Variants in SRGAP2 observed in about 807,000 individuals in gnomAD.
SRGAP2 encodes SLIT-ROBO Rho GTPase activating protein 2.
In SRGAP2, 15 loss-of-function variants were observed where a neutral mutation model predicts 57.2. That is an observed-to-expected ratio of 0.26 (90% CI 0.18 to 0.40). SRGAP2 has a LOEUF of 0.40. Ranked by LOEUF, SRGAP2 falls within the 10% of genes least tolerant of loss-of-function variation. The pLI is 1.00. For missense variants in SRGAP2, 520 were observed against 669.6 expected, an observed-to-expected ratio of 0.78 and a Z score of 2.47; for synonymous variants, 249 against 248.0, an observed-to-expected ratio of 1.00 and a Z score of -0.04.
At chr1:206,273,810 A>G (rs1358199488) in intron 2 of SRGAP2, among the ~76,000 whole-genome samples, 1 of 149,970 alleles carries the variant, frequency 6.7e-6, no homozygotes, top group Admixed American at 6.6e-5. Context: ...ATGAGAATTT[A>G]TGGGTTGAAG....
chr1:206,453,192 C>A lies in SRGAP2; in HGVS notation c.2180-8C>A. 2.0e-6 allele frequency: 1 copy of A among 499,968 alleles called. No homozygotes were observed. Among genetic ancestry groups the A allele is most frequent in the East Asian group, 3.3e-5 (1 of 29,962 alleles). 31.0% of individuals were successfully genotyped at this position (499,968 alleles called of 1,614,324 possible). ...AACATGTGTTTACTTCTTTTCCACC[C>A]TTCTCAGAATGTGAGCCCATCGAGG... On this transcript the variant is annotated splice_region_variant and splice_polypyrimidine_tract_variant and intron_variant, in intron 19 of 22. Coordinates refer to ENST00000573034, the MANE Select transcript of SRGAP2 (RefSeq NM_015326.5).
Position 206,342,779 on chromosome 1 carries a change from T to C in SRGAP2, c.261-67T>C, listed in dbSNP as rs1571907625. ...ATTGCTGTGATTTTAGGACACGGAC[T>C]ATAGTTGTAGATGTTGCCCTGGCTG... is the stretch of plus-strand genomic sequence containing the variant. On this transcript the variant is annotated intron_variant, in intron 3 of 22. Coordinates refer to ENST00000573034, the MANE Select transcript of SRGAP2 (RefSeq NM_015326.5). The C allele has an allele frequency of 8.5e-6, 5 of 587,664 alleles. No individual in the cohort carries two copies. In the East Asian group the frequency reaches 1.5e-4, roughly 17 times the overall value. 36.4% of individuals were successfully genotyped at this position (587,664 alleles called of 1,614,324 possible).
rs1664318383 is a variant in SRGAP2, at chr1:206,462,208, C to T, written c.*788C>T. ...ATTGGTGTTTGCTCTTGCCTCTCCT[C>T]CATCCCCTAGAAGTACACCCCCGTC... On this transcript the variant is annotated 3_prime_UTR_variant, in exon 23 of 23. Transcript: ENST00000573034. The T allele has an allele frequency of 6.5e-6, 1 of 152,682 alleles. No homozygotes were observed. Among genetic ancestry groups the T allele is most frequent in the South Asian group, 2.1e-4 (1 of 4,820 alleles). 9.5% of individuals were successfully genotyped at this position (152,682 alleles called of 1,614,324 possible). A position where few individuals can be genotyped will look rare whatever the true frequency, so the allele number is the denominator to read the frequency against.
intron 3 of SRGAP2, among the ~76,000 whole-genome samples, chr1:206,304,250 C>T (rs1672057536): frequency 2.8e-5 from 4 of 143,320 alleles, no homozygotes. Context: ...TTAGAATTCC[C>T]TGGAGAACTT....
intron 16 of SRGAP2, 130 bp from the exon 17 acceptor site, chr1:206,439,846 G>A: frequency 3.1e-6 from 2 of 641,908 alleles, no homozygotes. Context: ...TCCTGTCACT[G>A]CACCAGTGCT....
At chr1:206,304,603 G>C (rs1489733599) in intron 3 of SRGAP2, among the ~76,000 whole-genome samples, 1 of 151,992 alleles carries the variant, frequency 6.6e-6, no homozygotes, top group Non-Finnish European at 1.5e-5. Context: ...CCCACAGGCC[G>C]TAGGTTGGAC....
intron 14 of SRGAP2, among the ~76,000 whole-genome samples, chr1:206,431,628 A>G (rs553831921): frequency 8.5e-5 from 13 of 152,384 alleles, no homozygotes; most frequent in South Asian, 8.3e-4. Flanking sequence ...ATATCCCAAC[A>G]AAAAGTTTCT....
chr1:206,332,483 T>C (rs1470062267), intron 3 of SRGAP2, among the ~76,000 whole-genome samples: 3 of 151,296 alleles, frequency 2.0e-5, no homozygotes, highest in Non-Finnish European at 1.5e-5. Context: ...CATAGTCCCA[T>C]ATTTCTTGGA....
At chr1:206,266,401 G>A (rs374784871) in intron 2 of SRGAP2, among the ~76,000 whole-genome samples, 4 of 152,144 alleles carry the variant, frequency 2.6e-5, no homozygotes, top group African/African-American at 4.8e-5. Flanking sequence ...GTGCCACCAC[G>A]CCCGGCTAAT....
chr1:206,453,926 G>A (rs1663583721), intron 20 of SRGAP2: 2 of 544,046 alleles, frequency 3.7e-6, no homozygotes, highest in Non-Finnish European at 6.5e-6. Context: ...GGGGGAAGGA[G>A]GGAAAAGGAT....
At chr1:206,325,588 G>A (rs868910299) in intron 3 of SRGAP2, among the ~76,000 whole-genome samples, 18 of 150,632 alleles carry the variant, frequency 1.2e-4, no homozygotes, top group Admixed American at 4.0e-4. Context: ...CAAGTGATCT[G>A]CCTGCCTCAG....
intron 2 of SRGAP2, among the ~76,000 whole-genome samples, chr1:206,266,538 C>T (rs1301843018): frequency 2.0e-5 from 3 of 152,252 alleles, no homozygotes; most frequent in Admixed American, 6.5e-5. Context: ...CCACCACGCC[C>T]GACCTTCTGT....
intron 2 of SRGAP2, among the ~76,000 whole-genome samples, chr1:206,267,007 C>T (rs1261271192): frequency 1.1e-4 from 14 of 126,328 alleles, no homozygotes; most frequent in African/African-American, 3.4e-4. Context: ...CTTGCTCTGT[C>T]GCCCAGGCTG....
chr1:206,308,014 C>G (rs1237506117), intron 3 of SRGAP2, among the ~76,000 whole-genome samples: 1 of 151,330 alleles, frequency 6.6e-6, no homozygotes, highest in African/African-American at 2.4e-5. Context: ...ATGCTGTCAC[C>G]TCTCAATCTG....
intron 4 of SRGAP2, among the ~76,000 whole-genome samples, chr1:206,360,621 T>A (rs1676836136): frequency 6.6e-6 from 1 of 152,172 alleles, no homozygotes; most frequent in South Asian, 2.1e-4. Context: ...ATGGAGCCAA[T>A]AGGATTTGCT....
intron 2 of SRGAP2, among the ~76,000 whole-genome samples, chr1:206,218,040 G>A (rs1191695935): frequency 6.6e-6 from 1 of 152,024 alleles, no homozygotes; most frequent in Admixed American, 6.5e-5. Flanking sequence ...CTGGCTGGGT[G>A]GCTCAAGCCT....
At chr1:206,353,086 G>C (rs1263297360) in intron 4 of SRGAP2, among the ~76,000 whole-genome samples, 1 of 151,830 alleles carries the variant, frequency 6.6e-6, no homozygotes, top group East Asian at 1.9e-4. Context: ...GTATTCCTTT[G>C]GCTTGGTTAA....
intron 18 of SRGAP2, among the ~76,000 whole-genome samples, chr1:206,449,506 T>TC (rs1379095039): frequency 6.6e-6 from 1 of 150,720 alleles, no homozygotes; most frequent in Non-Finnish European, 1.5e-5. Context: ...CCCAGGCTGG[T>TC]CCCAAACTCC....
intron 4 of SRGAP2, among the ~76,000 whole-genome samples, chr1:206,364,063 A>G (rs1677101059): frequency 1.4e-5 from 2 of 147,688 alleles, no homozygotes; most frequent in South Asian, 2.3e-4. Flanking sequence ...TGTGAGAGAG[A>G]TGTGAGAACA....
Sources: allele counts gnomAD v4.1 joint callset (sites outside exome capture counted in the v4.1 genomes callset), GRCh38; gene constraint gnomAD v4.1.1; transcripts MANE v1.5; gene names NCBI Gene and HGNC (gene_info 2026-07-23, HGNC 2026-07-21).